LUZP2: variants seen among roughly 807,000 people sequenced by gnomAD.
LUZP2 encodes leucine zipper protein 2.
In LUZP2, 52 loss-of-function variants were observed where a neutral mutation model predicts 51.6. That is an observed-to-expected ratio of 1.01 (90% CI 0.81 to 1.27). The LOEUF (loss-of-function observed/expected upper bound fraction) is 1.27, where lower values mean the gene tolerates loss of function less well. Ranked by LOEUF, LUZP2 falls within the 50% of genes most tolerant of loss-of-function variation. The pLI is 0.00. For missense variants in LUZP2, 436 were observed against 395.4 expected (o/e 1.10, Z -0.87); for synonymous variants, 154 against 137.3 (o/e 1.12, Z -0.85).
At chr11:24,570,317 T>C (rs1030358771) in intron 1 of LUZP2, among the ~76,000 whole-genome samples, 1 of 152,088 alleles carries the variant, frequency 6.6e-6, no homozygotes, top group African/African-American at 2.4e-5. Flanking sequence ...TCATCTTTTA[T>C]ATGCAAAAAT....
intron 1 of LUZP2, among the ~76,000 whole-genome samples, chr11:24,696,493 A>G (rs1185493866): frequency 6.6e-6 from 1 of 152,116 alleles, no homozygotes; most frequent in Non-Finnish European, 1.5e-5. Context: ...TGCTTTCAAA[A>G]ATTGTATCTT....
rs148084141 is a variant in LUZP2, at chr11:24,732,715, C to T, written c.251+527C>T. Among the ~76,000 whole-genome samples the T allele has an allele frequency of 8.0e-3, 1,208 of 151,566 alleles. 21 individuals are homozygous for T. The highest frequency in any genetic ancestry group is 0.027 in the African/African-American group (1,110 of 41,410). ...CTTGTGTAAATTATAAAAAGCCATA[C>T]GATTTTTAAATTGCTTTTCCAAGCC... is the stretch of plus-strand genomic sequence containing the variant. On this transcript the variant is annotated intron_variant, in intron 3 of 11. Transcript: ENST00000336930.
intron 10 of LUZP2, among the ~76,000 whole-genome samples, chr11:25,070,770 G>GGTGTGT (rs67504954): frequency 0.043 from 6,069 of 141,286 alleles, 158 homozygotes; most frequent in African/African-American, 0.062. Context: ...GACTGTGTAT[G>GGTGTGT]GTGTGTGTGT....
At chr11:24,509,729 A>T (rs1365968224) in intron 1 of LUZP2, among the ~76,000 whole-genome samples, 1 of 151,606 alleles carries the variant, frequency 6.6e-6, no homozygotes, top group Non-Finnish European at 1.5e-5. Context: ...GATACCTTGC[A>T]TTTTTCTGAA....
chr11:24,895,221 G>A (rs1036737608), intron 5 of LUZP2, among the ~76,000 whole-genome samples: 2 of 152,138 alleles, frequency 1.3e-5, no homozygotes, highest in African/African-American at 4.8e-5. Flanking sequence ...GTGAACCTTA[G>A]AGTAGGCTAG....
chr11:24,986,935 G>T (rs934103885), intron 9 of LUZP2, among the ~76,000 whole-genome samples: 3 of 151,680 alleles, frequency 2.0e-5, no homozygotes, highest in Admixed American at 6.6e-5. Context: ...TAAGAGGTAG[G>T]ATTCATTAGT....
intron 5 of LUZP2, among the ~76,000 whole-genome samples, chr11:24,822,822 T>C (rs778964415): frequency 2.0e-5 from 3 of 152,232 alleles, no homozygotes; most frequent in Non-Finnish European, 4.4e-5. Flanking sequence ...GTAGCATTAA[T>C]GGTGGTTAAT....
In LUZP2 at chr11:24,983,339, T is replaced by TACTTTAAAGCAA. The variant is rs759623385; in HGVS notation, c.765+46_765+47insACTTTAAAGCAA. The TACTTTAAAGCAA allele has an allele frequency of 2.7e-5, 43 of 1,579,358 alleles. No individual in the cohort carries two copies. The African/African-American group carries it at 4.1e-4, about 15-fold the overall frequency. ...CTTTGTAAAGTAACAGCAAGTAATGTGTTGTCTTTAAAGCCCAGTATATAT... is the reference window on the plus strand; with the variant it reads ...CTTTGTAAAGTAACAGCAAGTAATGTACTTTAAAGCAAGTTGTCTTTAAAGCCCAGTATATAT... On this transcript the variant is annotated intron_variant, in intron 9 of 11. Transcript: ENST00000336930.
intron 7 of LUZP2, among the ~76,000 whole-genome samples, chr11:24,927,169 A>G (rs1854305172): frequency 6.6e-6 from 1 of 151,726 alleles, no homozygotes; most frequent in South Asian, 2.1e-4. Flanking sequence ...TTTGTCAAAA[A>G]TACAAAAATA....
At chr11:24,835,003 C>G (rs1185678120) in intron 5 of LUZP2, among the ~76,000 whole-genome samples, 1 of 152,080 alleles carries the variant, frequency 6.6e-6, no homozygotes, top group Admixed American at 6.6e-5. Flanking sequence ...AGACCCCTGT[C>G]AGATGGTCAG....
At chr11:25,024,070 G>A (rs1284064635) in intron 9 of LUZP2, among the ~76,000 whole-genome samples, 1 of 152,062 alleles carries the variant, frequency 6.6e-6, no homozygotes. Context: ...GGTCAGTTTT[G>A]GAGTAAGTGC....
rs544128644 is a variant in LUZP2, at chr11:24,997,819, G to A, written c.765+14526G>A. Among the ~76,000 whole-genome samples, 208 of 152,228 alleles carry A rather than the reference G, an allele frequency of 1.4e-3. 1 individual carries two copies. Among genetic ancestry groups the A allele is most frequent in the African/African-American group, 4.7e-3 (195 of 41,540 alleles). On this transcript the variant is annotated intron_variant, in intron 9 of 11. Coordinates refer to ENST00000336930, the MANE Select transcript of LUZP2 (RefSeq NM_001009909.4). ...GTATAAGGTGTAAGGAAGGGATCCA[G>A]TTTTAGCTTTCTACATATGGCTAGC... is the stretch of plus-strand genomic sequence containing the variant.
intron 5 of LUZP2, among the ~76,000 whole-genome samples, chr11:24,811,167 G>T (rs1371837146): frequency 6.6e-6 from 1 of 152,038 alleles, no homozygotes; most frequent in Non-Finnish European, 1.5e-5. Context: ...CTTATTGACT[G>T]CCAGCCCTTC....
At chr11:24,996,729 A>G (rs1856514611) in intron 9 of LUZP2, among the ~76,000 whole-genome samples, 1 of 151,838 alleles carries the variant, frequency 6.6e-6, no homozygotes. Context: ...TTAACTCGTC[A>G]TTTAGCATTA....
At chr11:24,821,469 A>C (rs758459014) in intron 5 of LUZP2, among the ~76,000 whole-genome samples, 1 of 152,028 alleles carries the variant, frequency 6.6e-6, no homozygotes, top group Non-Finnish European at 1.5e-5. Flanking sequence ...TATTTTACCG[A>C]CTTCATTGTA....
intron 1 of LUZP2, among the ~76,000 whole-genome samples, chr11:24,525,976 A>T (rs1158577021): frequency 6.6e-6 from 1 of 151,400 alleles, no homozygotes; most frequent in African/African-American, 2.4e-5. Flanking sequence ...TTCTTCTTAT[A>T]ATCCATGATT....
intron 1 of LUZP2, among the ~76,000 whole-genome samples, chr11:24,643,460 G>C (rs1855370638): frequency 6.6e-6 from 1 of 151,980 alleles, no homozygotes; most frequent in Non-Finnish European, 1.5e-5. Flanking sequence ...CTTTCCAGAA[G>C]ATCACAAAAT....
intron 1 of LUZP2, among the ~76,000 whole-genome samples, chr11:24,520,916 T>C (rs970304991): frequency 1.3e-5 from 2 of 151,748 alleles, no homozygotes; most frequent in African/African-American, 2.4e-5. Context: ...GTCAAGAGAG[T>C]GGATATGATG....
intron 1 of LUZP2, among the ~76,000 whole-genome samples, chr11:24,573,853 T>C (rs1852518659): frequency 1.0e-5 from 1 of 98,094 alleles, no homozygotes; most frequent in South Asian, 4.0e-4. Context: ...TGTAACTGAA[T>C]TCTTGTTTTA....
Sources: gnomAD v4.1 joint callset for allele counts (sites outside exome capture counted in the v4.1 genomes callset) on GRCh38, gnomAD v4.1.1 for gene constraint, MANE v1.5 for transcripts, NCBI Gene and HGNC (gene_info 2026-07-23, HGNC 2026-07-21) for gene names.